POGZ: variants seen among roughly 807,000 people sequenced by gnomAD.
POGZ encodes the protein pogo transposable element derived with ZNF domain.
A neutral mutation model predicts 134.6 loss-of-function variants in POGZ; 17 were observed. That is an observed-to-expected ratio of 0.13 (90% CI 0.09 to 0.19). The LOEUF (loss-of-function observed/expected upper bound fraction) is 0.19. POGZ is among the 10% of genes least tolerant of loss of function. The pLI is 1.00. For missense variants in POGZ, 1,306 were observed against 1,769.7 expected, an observed-to-expected ratio of 0.74 and a Z score of 4.70; for synonymous variants, 693 against 657.1, an observed-to-expected ratio of 1.05 and a Z score of -0.84.
chr1:151,404,888 T>C lies in POGZ; in HGVS notation c.4147A>G (p.Ser1383Gly), dbSNP rs2102139367. ...TCACCCTCAAAGAGCTGGTGAAGAC[T>C]TTCAGGCTCAATTGTCTCTTCAGGA... ...SSPEETIEPE[S>G]LHQLFEGESE... is the part of the protein sequence containing the mutation. Residue 1383 changes from serine to glycine, a missense_variant, in exon 19 of 19, where the codon AGT (serine) becomes GGT (glycine). Transcript: ENST00000271715. 1 of 1,614,174 alleles carries C rather than the reference T, an allele frequency of 6.2e-7. No homozygotes were observed. Among genetic ancestry groups the C allele is most frequent in the South Asian group, 1.1e-5 (1 of 91,090 alleles).
intron 3 of POGZ, among the ~76,000 whole-genome samples, chr1:151,432,122 T>C (rs1417876592): frequency 2.0e-5 from 3 of 152,148 alleles, no homozygotes; most frequent in South Asian, 4.1e-4. Context: ...TGAGCCAACA[T>C]TGTGCCACTG....
intron 1 of POGZ, among the ~76,000 whole-genome samples, chr1:151,456,660 T>TAATA (rs1662809236): frequency 6.6e-6 from 1 of 152,150 alleles, no homozygotes; most frequent in South Asian, 2.1e-4. Context: ...AGCTAAGACT[T>TAATA]AATAATAATA....
chr1:151,444,944 C>T (rs974875385), intron 1 of POGZ, among the ~76,000 whole-genome samples: 1 of 151,980 alleles, frequency 6.6e-6, no homozygotes, highest in Non-Finnish European at 1.5e-5. Context: ...TGAGGATCGC[C>T]TGAGCCCAGG....
chr1:151,404,692 A>G lies in POGZ; in HGVS notation c.*110T>C, dbSNP rs539726466. On this transcript the variant is annotated 3_prime_UTR_variant, in exon 19 of 19. Transcript: ENST00000271715. ...CAGGGGGGAGTGGTGGTATAAAATT[A>G]AAAAATAGAAACCAAATACCCCACC... 2.1e-6 allele frequency: 3 copies of G among 1,431,770 alleles called. No homozygotes were observed. Among genetic ancestry groups the G allele is most frequent in the Non-Finnish European group, 2.7e-6 (3 of 1,095,394 alleles). 88.7% of individuals were successfully genotyped at this position (1,431,770 alleles called of 1,614,324 possible). A position where few individuals can be genotyped will look rare whatever the true frequency, so the allele number is the denominator to read the frequency against.
intron 1 of POGZ, among the ~76,000 whole-genome samples, chr1:151,453,099 T>G (rs1292043831): frequency 6.6e-6 from 1 of 151,866 alleles, no homozygotes; most frequent in African/African-American, 2.4e-5. Flanking sequence ...ATTTTTGTAT[T>G]TTTAGTAGAG....
intron 1 of POGZ, among the ~76,000 whole-genome samples, chr1:151,445,553 G>GGT (rs1413370280): frequency 6.9e-6 from 1 of 145,294 alleles, no homozygotes; most frequent in Non-Finnish European, 1.5e-5. Context: ...AAAAGAAAGA[G>GGT]ACAAAAAAGA....
intron 10 of POGZ, among the ~76,000 whole-genome samples, chr1:151,417,664 T>C (rs113755856): frequency 2.4e-4 from 36 of 147,312 alleles, no homozygotes; most frequent in African/African-American, 8.8e-4. Context: ...GCCGGCCTAT[T>C]AGATCTTAAC....
intron 12 of POGZ, 24 bp from the exon 13 acceptor site, chr1:151,408,852 G>C (rs982331688): frequency 1.9e-6 from 3 of 1,544,676 alleles, no homozygotes; most frequent in African/African-American, 2.7e-5. Context: ...GGGAAAAAAA[G>C]AGACAAAATC....
intron 1 of POGZ, among the ~76,000 whole-genome samples, chr1:151,450,392 G>A (rs1014697955): frequency 5.9e-5 from 9 of 151,742 alleles, no homozygotes; most frequent in Non-Finnish European, 1.5e-5. Flanking sequence ...GGTCTTTGTC[G>A]CCTGGGCTGT....
chr1:151,456,515 G>A (rs1159178581), intron 1 of POGZ, among the ~76,000 whole-genome samples: 1 of 152,178 alleles, frequency 6.6e-6, no homozygotes, highest in African/African-American at 2.4e-5. Context: ...CATGAAATAA[G>A]CCATTCATTC....
At chr1:151,434,576 A>G (rs1449451804) in intron 3 of POGZ, among the ~76,000 whole-genome samples, 1 of 152,186 alleles carries the variant, frequency 6.6e-6, no homozygotes, top group Non-Finnish European at 1.5e-5. Context: ...TTCAGACATC[A>G]CATGGTATCA....
In POGZ at chr1:151,405,596, G is replaced by A. The variant is rs749021136; in HGVS notation, c.3439C>T (p.Leu1147=). The A allele has an allele frequency of 3.1e-6, 5 of 1,614,202 alleles. No homozygotes were observed. In the South Asian group the frequency reaches 5.5e-5, roughly 18 times the overall value. Residue 1147 remains leucine (L), a synonymous_variant, in exon 19 of 19, where the codon CTG becomes TTG. Coordinates refer to ENST00000271715, the MANE Select transcript of POGZ (RefSeq NM_015100.4). The surrounding 1 kb of genome is among the most constrained non-coding windows in gnomAD (Gnocchi z 4.9). ...GGTTCCCCTGTGCCCACTGTCTGCA[G>A]GGCATTCTCCTTTCGATCATCACTG... ...LSSDDRKENA[L]QTVGTGEPWC... is the part of the protein sequence containing the mutation.
intron 10 of POGZ, among the ~76,000 whole-genome samples, chr1:151,416,248 A>G (rs1436890413): frequency 6.8e-6 from 1 of 146,370 alleles, no homozygotes; most frequent in East Asian, 2.0e-4. Flanking sequence ...AAAAGAAAGA[A>G]AAGAAAAAAA....
chr1:151,403,688 G>A lies in POGZ; in HGVS notation c.*1114C>T, dbSNP rs936889916. 3 of 985,728 alleles carry A rather than the reference G, an allele frequency of 3.0e-6. No homozygotes were observed. Among genetic ancestry groups the A allele is most frequent in the African/African-American group, 1.7e-5 (1 of 57,352 alleles). The allele number at this position is 985,728 out of a possible 1,614,324, so 61.1% of individuals were successfully genotyped here. A position where few individuals can be genotyped will look rare whatever the true frequency, so the allele number is the denominator to read the frequency against. On this transcript the variant is annotated 3_prime_UTR_variant, in exon 19 of 19. Coordinates refer to ENST00000271715, the MANE Select transcript of POGZ (RefSeq NM_015100.4). ...TTCTTCCTGTCAGATTCTTCCCTAA[G>A]TATTAAGAGAAATAGGGGAAAGCCA...
chr1:151,457,335 GT>G (rs1463087446), intron 1 of POGZ, among the ~76,000 whole-genome samples: 1 of 152,206 alleles, frequency 6.6e-6, no homozygotes, highest in African/African-American at 2.4e-5. Flanking sequence ...TCTCAATGTA[GT>G]GGTTACATTA....
At chr1:151,416,226 A>G (rs1305070433) in intron 10 of POGZ, among the ~76,000 whole-genome samples, 1 of 149,274 alleles carries the variant, frequency 6.7e-6, no homozygotes, top group East Asian at 1.9e-4. Context: ...AAAAAAAAAA[A>G]AAAAAAAAAG....
chr1:151,415,824 C>CA (rs1655543884), intron 10 of POGZ, among the ~76,000 whole-genome samples: 1 of 152,094 alleles, frequency 6.6e-6, no homozygotes. Flanking sequence ...AAAATGCACA[C>CA]ACACAGGCAA....
chr1:151,412,032 A>G (rs1287743569), intron 11 of POGZ, among the ~76,000 whole-genome samples: 1 of 152,208 alleles, frequency 6.6e-6, no homozygotes, highest in Non-Finnish European at 1.5e-5. Context: ...TTTTCTGTCA[A>G]TTTCCAAAGG....
At chr1:151,442,498 T>C (rs547663065) in intron 1 of POGZ, 33 of 210,020 alleles carry the variant, frequency 1.6e-4, no homozygotes, top group African/African-American at 7.3e-4. Context: ...TCACCTGAGG[T>C]TGGGAGTTAG....
Sources: allele counts gnomAD v4.1 joint callset (sites outside exome capture counted in the v4.1 genomes callset), GRCh38; gene constraint gnomAD v4.1.1; non-coding constraint Gnocchi (gnomAD v3.1); transcripts MANE v1.5; gene names NCBI Gene and HGNC (gene_info 2026-07-23, HGNC 2026-07-21).